TAFA1: variants seen among roughly 807,000 people sequenced by gnomAD.
TAFA1 encodes chemokine-like protein TAFA-1.
A neutral mutation model predicts 18.5 loss-of-function variants in TAFA1; 4 were observed. That is an observed-to-expected ratio of 0.22 (90% CI 0.11 to 0.49). The LOEUF is 0.49. Among genes scored for constraint, TAFA1 ranks in the 20% least tolerant of loss-of-function variants. TAFA1 has a pLI of 0.98. For synonymous variants in TAFA1, 56 were observed against 55.2 expected, an observed-to-expected ratio of 1.01 and a Z score of -0.06; for missense variants, 147 against 169.0, an observed-to-expected ratio of 0.87 and a Z score of 0.72.
chr3:68,379,326 A>G (rs1026828332), intron 2 of TAFA1, among the ~76,000 whole-genome samples: 3 of 152,056 alleles, frequency 2.0e-5, no homozygotes, highest in Non-Finnish European at 4.4e-5. Flanking sequence ...ATGTCTGTTA[A>G]TGTCCTTTAA....
intron 2 of TAFA1, among the ~76,000 whole-genome samples, chr3:68,042,520 A>C (rs1160476930): frequency 6.6e-6 from 1 of 152,126 alleles, no homozygotes; most frequent in East Asian, 1.9e-4. Context: ...GTGGTGGCAC[A>C]TGCCTGTAAT....
At chr3:68,251,992 T>A (rs746731290) in intron 2 of TAFA1, among the ~76,000 whole-genome samples, 5 of 152,248 alleles carry the variant, frequency 3.3e-5, no homozygotes, top group Non-Finnish European at 1.5e-5. Context: ...CAGTCATTTA[T>A]AATCACAGCC....
intron 2 of TAFA1, among the ~76,000 whole-genome samples, chr3:68,377,450 A>G (rs996202358): frequency 5.3e-5 from 8 of 152,212 alleles, no homozygotes; most frequent in African/African-American, 1.9e-4. Flanking sequence ...GCCCTGCCCT[A>G]GAGATCTGTG....
intron 2 of TAFA1, among the ~76,000 whole-genome samples, chr3:68,018,777 A>G (rs965605854): frequency 6.6e-6 from 1 of 152,232 alleles, no homozygotes; most frequent in Non-Finnish European, 1.5e-5. Flanking sequence ...AGTAACAAAA[A>G]TGTAAAAGAA....
intron 3 of TAFA1, among the ~76,000 whole-genome samples, chr3:68,453,237 A>C (rs1444499427): frequency 6.6e-6 from 1 of 151,966 alleles, no homozygotes; most frequent in Non-Finnish European, 1.5e-5. Context: ...GCCATTGCAG[A>C]CTCCTTTCAC....
intron 2 of TAFA1, among the ~76,000 whole-genome samples, chr3:68,077,643 G>A (rs1210275310): frequency 6.6e-6 from 1 of 151,936 alleles, no homozygotes; most frequent in Non-Finnish European, 1.5e-5. Flanking sequence ...ATTTCTGAGG[G>A]CTCTGTTCTG....
intron 2 of TAFA1, among the ~76,000 whole-genome samples, chr3:68,094,365 A>G (rs1465323257): frequency 6.6e-6 from 1 of 152,050 alleles, no homozygotes; most frequent in Non-Finnish European, 1.5e-5. Flanking sequence ...CAATTAGAAG[A>G]TGAGGTCCAC....
At chr3:68,380,737 G>T (rs1440600094) in intron 2 of TAFA1, among the ~76,000 whole-genome samples, 5 of 152,030 alleles carry the variant, frequency 3.3e-5, no homozygotes, top group Non-Finnish European at 7.3e-5. Flanking sequence ...CACTCTGACA[G>T]TAGTTTCTTT....
At chr3:68,331,860 T>C (rs1000992248) in intron 2 of TAFA1, among the ~76,000 whole-genome samples, 7 of 127,468 alleles carry the variant, frequency 5.5e-5, no homozygotes, top group Non-Finnish European at 8.4e-5. Flanking sequence ...TCTTTTCTTT[T>C]TTTTTTTTTT....
At chr3:68,011,263 T>A (rs1249010681) in intron 2 of TAFA1, among the ~76,000 whole-genome samples, 20 of 152,082 alleles carry the variant, frequency 1.3e-4, no homozygotes, top group Admixed American at 1.3e-3. Context: ...AGACAAGAAG[T>A]TTTAAGTGCC....
intron 2 of TAFA1, among the ~76,000 whole-genome samples, chr3:68,363,224 G>A (rs1370512480): frequency 6.6e-6 from 1 of 152,032 alleles, no homozygotes; most frequent in African/African-American, 2.4e-5. Context: ...TTTGGGAAGA[G>A]TGAGAAGGTA....
intron 3 of TAFA1, among the ~76,000 whole-genome samples, chr3:68,511,603 A>T (rs1429297963): frequency 1.3e-5 from 2 of 152,066 alleles, no homozygotes; most frequent in East Asian, 1.9e-4. Context: ...ACATATTAAC[A>T]GCAATTTGGT....
At chr3:68,498,573 A>G (rs1010994666) in intron 3 of TAFA1, among the ~76,000 whole-genome samples, 31 of 152,110 alleles carry the variant, frequency 2.0e-4, no homozygotes, top group African/African-American at 7.0e-4. Context: ...TTGGCTGAAA[A>G]CATGGTAATT....
In TAFA1 at chr3:68,459,718, A is replaced by G. The variant is rs144732380; in HGVS notation, c.259+42298A>G. Among the ~76,000 whole-genome samples, 480 of 152,330 alleles carry G rather than the reference A, an allele frequency of 3.2e-3. 4 individuals are homozygous for G. Among genetic ancestry groups the G allele is most frequent in the African/African-American group, 0.011 (450 of 41,570 alleles). ...AAGAGCTCATTGCCACCTTTTCCCTAATTCCCTATTTACCCATATAAGACT... is the reference window on the plus strand; with the variant it reads ...AAGAGCTCATTGCCACCTTTTCCCTGATTCCCTATTTACCCATATAAGACT... On this transcript the variant is annotated intron_variant, in intron 3 of 4. Transcript: ENST00000478136.
chr3:68,110,699 G>A (rs1355997113), intron 2 of TAFA1, among the ~76,000 whole-genome samples: 2 of 152,152 alleles, frequency 1.3e-5, no homozygotes, highest in African/African-American at 4.8e-5. Flanking sequence ...GGTAGGACCA[G>A]GAGGACTTGG....
At chr3:68,065,999 A>G (rs2064673556) in intron 2 of TAFA1, among the ~76,000 whole-genome samples, 1 of 152,116 alleles carries the variant, frequency 6.6e-6, no homozygotes, top group Non-Finnish European at 1.5e-5. Context: ...TACATACTGT[A>G]TGGTTTCACT....
At chr3:68,225,197 C>T (rs539870672) in intron 2 of TAFA1, among the ~76,000 whole-genome samples, 1 of 152,010 alleles carries the variant, frequency 6.6e-6, no homozygotes, top group East Asian at 1.9e-4. Flanking sequence ...CATGAGCCAC[C>T]ACACCTGGCT....
chr3:68,082,339 C>G (rs898398150), intron 2 of TAFA1, among the ~76,000 whole-genome samples: 3 of 152,192 alleles, frequency 2.0e-5, no homozygotes, highest in East Asian at 1.9e-4. Flanking sequence ...GCTCCTCCCC[C>G]CTGTTCCTAC....
chr3:68,104,942 C>T (rs538088724), intron 2 of TAFA1, among the ~76,000 whole-genome samples: 17 of 152,188 alleles, frequency 1.1e-4, no homozygotes, highest in Admixed American at 3.9e-4. Flanking sequence ...TTTTGAGTCA[C>T]GGTTCTGCAG....
Sources: allele counts gnomAD v4.1 joint callset (sites outside exome capture counted in the v4.1 genomes callset), GRCh38; gene constraint gnomAD v4.1.1; transcripts MANE v1.5; gene names NCBI Gene and HGNC (gene_info 2026-07-23, HGNC 2026-07-21).